Variants in EXOC6B observed in about 807,000 individuals in gnomAD.
EXOC6B encodes exocyst complex component 6B, also known as SEC15 homolog B.
A neutral mutation model predicts 113.5 loss-of-function variants in EXOC6B; 54 were observed. That is an observed-to-expected ratio of 0.48 (90% CI 0.38 to 0.60). EXOC6B has a LOEUF of 0.60. Among genes scored for constraint, EXOC6B ranks in the 20% least tolerant of loss-of-function variants. The pLI, the probability that EXOC6B is intolerant of heterozygous loss-of-function variation, is 0.00. For missense variants in EXOC6B, 797 were observed against 977.5 expected (o/e 0.82, Z 2.46); for synonymous variants, 357 against 339.0 (o/e 1.05, Z -0.58).
chr2:72,642,956 A>G (rs1673378999), intron 6 of EXOC6B, among the ~76,000 whole-genome samples: 2 of 151,188 alleles, frequency 1.3e-5, no homozygotes, highest in African/African-American at 4.9e-5. Context: ...TGGGCAAAGG[A>G]CATGAACAGA....
At chr2:72,310,041 A>G (rs147991673) in intron 20 of EXOC6B, among the ~76,000 whole-genome samples, 2 of 152,272 alleles carry the variant, frequency 1.3e-5, no homozygotes, top group African/African-American at 4.8e-5. Flanking sequence ...TCATCAGTTG[A>G]TAGACATCTG....
chr2:72,421,849 G>A (rs564798835), intron 18 of EXOC6B, among the ~76,000 whole-genome samples: 48 of 152,320 alleles, frequency 3.2e-4, no homozygotes, highest in Non-Finnish European at 5.4e-4. Flanking sequence ...AGCGGGAACC[G>A]GGGCTGCGTG....
chr2:72,384,322 A>G (rs1331352164), intron 18 of EXOC6B, among the ~76,000 whole-genome samples: 7 of 152,102 alleles, frequency 4.6e-5, no homozygotes, highest in Non-Finnish European at 8.8e-5. Context: ...TCCTTTCATG[A>G]TTAAAAAAAA....
At chr2:72,752,170 G>A (rs367953026) in intron 1 of EXOC6B, among the ~76,000 whole-genome samples, 1 of 151,992 alleles carries the variant, frequency 6.6e-6, no homozygotes, top group South Asian at 2.1e-4. Flanking sequence ...ACAATAAATG[G>A]TGTTGTCATG....
chr2:72,513,206 C>T lies in EXOC6B; in HGVS notation c.1093G>A (p.Val365Ile). Residue 365 changes from valine (V) to isoleucine (I), a missense_variant, in exon 11 of 22, where the codon GTA (valine) becomes ATA (isoleucine). Coordinates refer to ENST00000272427, the MANE Select transcript of EXOC6B (RefSeq NM_015189.3). The part of the protein sequence containing the change: ...DHILHTTQGL[V>I]NRAYIDELWE... ...AGTTCATCAATGTAGGCTCTATTTACTAAGCCCTGGGTTGTATGTAAAATG... is the reference window on the plus strand; with the variant it reads ...AGTTCATCAATGTAGGCTCTATTTATTAAGCCCTGGGTTGTATGTAAAATG... The T allele has an allele frequency of 1.9e-6, 3 of 1,613,348 alleles. No individual in the cohort carries two copies. The highest frequency in any genetic ancestry group is 2.5e-6 in the Non-Finnish European group (3 of 1,179,450).
intron 19 of EXOC6B, among the ~76,000 whole-genome samples, chr2:72,377,003 C>T (rs1691404033): frequency 6.6e-6 from 1 of 151,624 alleles, no homozygotes; most frequent in Non-Finnish European, 1.5e-5. Flanking sequence ...TCAAACTAAA[C>T]AGCAAGAAAA....
chr2:72,661,355 T>C (rs1674998727), intron 6 of EXOC6B, among the ~76,000 whole-genome samples: 1 of 137,214 alleles, frequency 7.3e-6, no homozygotes, highest in South Asian at 2.2e-4. Context: ...CCATGCTGAA[T>C]ATACCAAGGA....
At chr2:72,797,823 T>G (rs1685054341) in intron 1 of EXOC6B, among the ~76,000 whole-genome samples, 1 of 150,008 alleles carries the variant, frequency 6.7e-6, no homozygotes, top group Non-Finnish European at 1.5e-5. Context: ...AATTAATTAA[T>G]TAATTAATTA....
intron 8 of EXOC6B, among the ~76,000 whole-genome samples, chr2:72,522,581 T>C (rs544087283): frequency 8.5e-5 from 13 of 152,318 alleles, no homozygotes; most frequent in African/African-American, 2.6e-4. Context: ...AATGCTTACT[T>C]TTTGATGTAC....
At chr2:72,770,185 C>G (rs1392009823) in intron 1 of EXOC6B, among the ~76,000 whole-genome samples, 2 of 151,662 alleles carry the variant, frequency 1.3e-5, no homozygotes, top group African/African-American at 4.9e-5. Context: ...AACTGCAACT[C>G]TAAGACAAAA....
At chr2:72,484,060 T>C (rs1373836439) in intron 16 of EXOC6B, among the ~76,000 whole-genome samples, 1 of 152,030 alleles carries the variant, frequency 6.6e-6, no homozygotes, top group Non-Finnish European at 1.5e-5. Context: ...CCATTAAGAA[T>C]TGGAAAATTT....
chr2:72,200,794 G>A (rs1234350858), intron 20 of EXOC6B, among the ~76,000 whole-genome samples: 1 of 152,098 alleles, frequency 6.6e-6, no homozygotes, highest in African/African-American at 2.4e-5. Flanking sequence ...GCCTAGAGAG[G>A]TGAAGGAGAA....
At chr2:72,523,983 G>A (rs1466378709) in intron 8 of EXOC6B, among the ~76,000 whole-genome samples, 2 of 151,590 alleles carry the variant, frequency 1.3e-5, no homozygotes, top group Non-Finnish European at 2.9e-5. Flanking sequence ...ACAAGGGAAG[G>A]GAAAGGAAGA....
At chr2:72,572,378 A>T (rs1041947340) in intron 7 of EXOC6B, among the ~76,000 whole-genome samples, 6 of 152,218 alleles carry the variant, frequency 3.9e-5, no homozygotes, top group African/African-American at 1.4e-4. Flanking sequence ...TTAAATGTCA[A>T]GAAACATTGT....
chr2:72,244,873 A>G (rs1682552742), intron 20 of EXOC6B, among the ~76,000 whole-genome samples: 1 of 152,176 alleles, frequency 6.6e-6, no homozygotes, highest in Non-Finnish European at 1.5e-5. Flanking sequence ...GAAATTAAAA[A>G]CATAATATCA....
chr2:72,562,179 A>G (rs1243595908), intron 7 of EXOC6B, among the ~76,000 whole-genome samples: 1 of 152,110 alleles, frequency 6.6e-6, no homozygotes, highest in Non-Finnish European at 1.5e-5. Flanking sequence ...TGCTGCCACT[A>G]ATGAAAAAAA....
chr2:72,271,451 T>C (rs1305857339), intron 20 of EXOC6B, among the ~76,000 whole-genome samples: 1 of 151,800 alleles, frequency 6.6e-6, no homozygotes, highest in African/African-American at 2.4e-5. Context: ...AAGGATGATC[T>C]ACTGAAGGAG....
At chr2:72,771,292 G>A (rs1683391675) in intron 1 of EXOC6B, among the ~76,000 whole-genome samples, 1 of 151,992 alleles carries the variant, frequency 6.6e-6, no homozygotes, top group Non-Finnish European at 1.5e-5. Context: ...CTCTTGTATA[G>A]CCTTTATGCA....
intron 20 of EXOC6B, among the ~76,000 whole-genome samples, chr2:72,201,996 T>C (rs1433945637): frequency 6.6e-6 from 1 of 152,230 alleles, no homozygotes; most frequent in East Asian, 1.9e-4. Context: ...TTCTCAAAGA[T>C]GCTAGGATGG....
Sources: gnomAD v4.1 joint callset for allele counts (sites outside exome capture counted in the v4.1 genomes callset) on GRCh38, gnomAD v4.1.1 for gene constraint, MANE v1.5 for transcripts, NCBI Gene and HGNC (gene_info 2026-07-23, HGNC 2026-07-21) for gene names.